CDH18: variants seen among roughly 807,000 people sequenced by gnomAD.
The protein encoded by CDH18 is cadherin 18, also known as cadherin-18.
Under a neutral mutation model 67.9 loss-of-function variants are expected in CDH18, and 31 were observed. The ratio of observed to expected loss-of-function variants is 0.46; its 90% CI spans 0.34 to 0.62. The LOEUF is 0.62. Ranked by LOEUF, CDH18 falls within the 20% of genes least tolerant of loss-of-function variation. CDH18 has a pLI of 0.01. For missense variants in CDH18, 890 were observed against 975.5 expected (o/e 0.91, Z 1.17); for synonymous variants, 362 against 347.2 (o/e 1.04, Z -0.48).
At chr5:19,942,998 T>A (rs1794968753) in intron 2 of CDH18, among the ~76,000 whole-genome samples, 1 of 152,144 alleles carries the variant, frequency 6.6e-6, no homozygotes, top group Non-Finnish European at 1.5e-5. Flanking sequence ...CCCTCGTGCC[T>A]CATGACAGCA....
intron 5 of CDH18, among the ~76,000 whole-genome samples, chr5:19,717,547 A>C (rs1044545431): frequency 2.0e-5 from 3 of 152,048 alleles, no homozygotes; most frequent in Non-Finnish European, 4.4e-5. Context: ...CACCTGACAA[A>C]AATTTTATGG....
At chr5:19,671,861 G>GA (rs1758797151) in intron 5 of CDH18, among the ~76,000 whole-genome samples, 1 of 152,062 alleles carries the variant, frequency 6.6e-6, no homozygotes, top group South Asian at 2.1e-4. Context: ...CATTACTCGA[G>GA]ATGCCCTTTA....
At chr5:19,855,647 T>C (rs1784203703) in intron 2 of CDH18, among the ~76,000 whole-genome samples, 1 of 152,104 alleles carries the variant, frequency 6.6e-6, no homozygotes, top group Non-Finnish European at 1.5e-5. Flanking sequence ...AGCTGGTGCT[T>C]GAGGTGGTGA....
intron 8 of CDH18, among the ~76,000 whole-genome samples, chr5:19,553,932 C>T (rs1737917590): frequency 6.6e-6 from 1 of 152,036 alleles, no homozygotes; most frequent in African/African-American, 2.4e-5. Flanking sequence ...AAACGCCTGA[C>T]CCTGGACTCA....
chr5:19,968,004 A>C (rs1280750825), intron 2 of CDH18, among the ~76,000 whole-genome samples: 1 of 120,992 alleles, frequency 8.3e-6, no homozygotes, highest in African/African-American at 6.6e-5. Flanking sequence ...CTCAGGATAC[A>C]AAATCAATGT....
At chr5:19,892,634 C>G (rs998710606) in intron 2 of CDH18, among the ~76,000 whole-genome samples, 1 of 152,038 alleles carries the variant, frequency 6.6e-6, no homozygotes, top group East Asian at 1.9e-4. Context: ...AGTGTGACTT[C>G]CAAAAACTCT....
intron 2 of CDH18, among the ~76,000 whole-genome samples, chr5:20,047,561 A>G (rs1391496891): frequency 6.6e-6 from 1 of 151,818 alleles, no homozygotes; most frequent in African/African-American, 2.4e-5. Flanking sequence ...GCATAATTCT[A>G]TTTAAAATAG....
chr5:19,768,833 A>G (rs978662810), intron 3 of CDH18, among the ~76,000 whole-genome samples: 2 of 152,108 alleles, frequency 1.3e-5, no homozygotes, highest in Non-Finnish European at 2.9e-5. Flanking sequence ...TATAAAGACA[A>G]TATCTCACAA....
intron 2 of CDH18, among the ~76,000 whole-genome samples, chr5:19,847,208 A>G (rs984708894): frequency 1.3e-5 from 2 of 152,106 alleles, no homozygotes. Flanking sequence ...CATTTCTTTA[A>G]GTAAACTCAT....
chr5:20,400,730 C>T (rs1745694463), intron 1 of CDH18, among the ~76,000 whole-genome samples: 1 of 152,036 alleles, frequency 6.6e-6, no homozygotes, highest in Admixed American at 6.6e-5. Context: ...CCACTGCACT[C>T]CAGACCCTGC....
chr5:19,802,263 C>T (rs532568612), intron 3 of CDH18, among the ~76,000 whole-genome samples: 1 of 152,188 alleles, frequency 6.6e-6, no homozygotes, highest in Admixed American at 6.5e-5. Context: ...CTCAAGCATG[C>T]AAAGTAGCTA....
At chr5:20,216,109 T>C (rs1740748596) in intron 2 of CDH18, among the ~76,000 whole-genome samples, 1 of 151,946 alleles carries the variant, frequency 6.6e-6, no homozygotes, top group South Asian at 2.1e-4. Context: ...CTTGCATATG[T>C]ACCCCTGAAT....
At chr5:20,165,250 C>T (rs980436535) in intron 2 of CDH18, among the ~76,000 whole-genome samples, 3 of 151,836 alleles carry the variant, frequency 2.0e-5, no homozygotes, top group Admixed American at 2.0e-4. Context: ...CTTGATTAAA[C>T]GTGTTATCTT....
At chr5:19,642,419 T>G (rs1373802454) in intron 5 of CDH18, among the ~76,000 whole-genome samples, 1 of 152,028 alleles carries the variant, frequency 6.6e-6, no homozygotes, top group Non-Finnish European at 1.5e-5. Context: ...CTCTCTGATT[T>G]CAAAATATAT....
chr5:20,192,120 C>T (rs1288919017), intron 2 of CDH18, among the ~76,000 whole-genome samples: 3 of 150,822 alleles, frequency 2.0e-5, no homozygotes, highest in Non-Finnish European at 4.4e-5. Flanking sequence ...TGATATTGAG[C>T]TTTTTTTCAT....
At chr5:20,148,894 C>T (rs1580349955) in intron 2 of CDH18, among the ~76,000 whole-genome samples, 1 of 151,990 alleles carries the variant, frequency 6.6e-6, no homozygotes, top group Non-Finnish European at 1.5e-5. Flanking sequence ...AGCAGGCACC[C>T]GAGATGTCCA....
At chr5:19,520,898 G>A in intron 9 of CDH18, 120 bp from the exon 10 acceptor site, 1 of 1,043,728 alleles carries the variant, frequency 9.6e-7, no homozygotes, top group South Asian at 1.6e-5. Flanking sequence ...CTGGACTTTT[G>A]GCAAACGACA....
In CDH18 at chr5:19,591,138, G is replaced by A. The variant is rs1231838536; in HGVS notation, c.918C>T (p.Ser306=). ...DTGSNADMTY[S]IINGDGMGIF... ...TTCCCATGCCATCACCATTTATGAT[G>A]GAGTAGGTCATGTCAGCATTTGAGC... Residue 306 remains serine, a synonymous_variant, in exon 7 of 13, where the codon TCC becomes TCT. Transcript: ENST00000382275. The A allele has an allele frequency of 1.9e-6, 3 of 1,611,522 alleles. No individual in the cohort carries two copies. Among genetic ancestry groups the A allele is most frequent in the Non-Finnish European group, 2.5e-6 (3 of 1,178,146 alleles).
intron 2 of CDH18, among the ~76,000 whole-genome samples, chr5:20,230,818 C>A (rs1742010447): frequency 6.6e-6 from 1 of 151,996 alleles, no homozygotes; most frequent in Non-Finnish European, 1.5e-5. Context: ...GCAAAGGCTC[C>A]AAAAACCCAT....
Sources: allele counts gnomAD v4.1 joint callset (sites outside exome capture counted in the v4.1 genomes callset), GRCh38; gene constraint gnomAD v4.1.1; transcripts MANE v1.5; gene names NCBI Gene and HGNC (gene_info 2026-07-23, HGNC 2026-07-21).